The following ZAN variants were observed in gnomAD, a reference collection of about 807,000 sequenced individuals.
ZAN encodes the protein zonadhesin, also known as zonadhesin (gene/pseudogene).
In ZAN, 260 loss-of-function variants were observed where a neutral mutation model predicts 286.2. That is an observed-to-expected ratio of 0.91 (90% CI 0.82 to 1.01). The LOEUF is 1.01. ZAN is among the 50% of genes least tolerant of loss of function. ZAN has a pLI of 0.00. For missense variants in ZAN, 3,410 were observed against 3,639.2 expected (o/e 0.94, Z 1.62); for synonymous variants, 1,368 against 1,417.5 (o/e 0.97, Z 0.79).
rs1358817299 is a variant in ZAN, at chr7:100,736,573, C to A, written c.197C>A (p.Ala66Asp). 5 of 1,523,082 alleles carry A rather than the reference C, an allele frequency of 3.3e-6. 2 individuals carry two copies. The highest frequency in any genetic ancestry group is 4.5e-6 in the Non-Finnish European group (5 of 1,107,590). 94.3% of individuals were successfully genotyped at this position (1,523,082 alleles called of 1,614,324 possible). ...GCAGACGATGAAGACTGGGTTCGAG[C>A]CAGTGGGCCCTCTCCCACCGGCTCC... ...VSADDEDWVR[A>D]SGPSPTGSTG... Residue 66 changes from alanine (A) to aspartate (D), a missense_variant, in exon 4 of 48, where the codon GCC (alanine) becomes GAC (aspartate). Physicochemically the swap from Ala to Asp is moderately radical, Grantham distance 126. Transcript: ENST00000613979.
At chr7:100,755,118 G>T (rs948862338) in intron 14 of ZAN, 108 bp from the exon 15 acceptor site, 1 of 1,300,006 alleles carries the variant, frequency 7.7e-7, no homozygotes, top group Admixed American at 2.3e-5. Context: ...TAAATAATAT[G>T]GTCCTGTTTC....
In ZAN at chr7:100,764,198, T is replaced by A; in HGVS notation, c.4267+2T>A. 6.5e-7 allele frequency: 1 copy of A among 1,544,504 alleles called. No individual in the cohort carries two copies. Reference sequence around the variant, plus strand: ...CCTGGAGGGAACCCCACTTCTGCCGTGAGTTGTGCCAAACTCAGAGGAGAG... The same window carrying A: ...CCTGGAGGGAACCCCACTTCTGCCGAGAGTTGTGCCAAACTCAGAGGAGAG... On this transcript the variant is annotated splice_donor_variant, in intron 22 of 47. Coordinates refer to ENST00000613979, the MANE Select transcript of ZAN (RefSeq NM_003386.3). LOFTEE classifies it high-confidence loss of function.
At chr7:100,787,499 C>T (rs1034111960) in intron 37 of ZAN, among the ~76,000 whole-genome samples, 10 of 152,090 alleles carry the variant, frequency 6.6e-5, no homozygotes, top group African/African-American at 2.4e-4. Flanking sequence ...GGGGATGCCA[C>T]CGTGGGGGAG....
At position 100,786,031 on chromosome 7, in the gene ZAN, A is replaced by G; in HGVS notation, c.6869A>G (p.Glu2290Gly). The G allele has an allele frequency of 6.2e-7, 1 of 1,613,964 alleles. No individual in the cohort carries two copies. Among genetic ancestry groups the G allele is most frequent in the Non-Finnish European group, 8.5e-7 (1 of 1,179,888 alleles). Residue 2290 changes from glutamate to glycine, a missense_variant, in exon 37 of 48, where the codon GAG becomes GGG. Around this residue, in one of 7 missense-constraint regions of ZAN, gnomAD observed 1,289 missense variants for 1,314.3 expected, o/e 0.98. Coordinates refer to ENST00000613979, the MANE Select transcript of ZAN (RefSeq NM_003386.3). ...AGCTGGGTCTCCAGCGGTTGCACGGAGAAGTGTGTCTGCACGGGAGGAGCC... is the reference window on the plus strand; with the variant it reads ...AGCTGGGTCTCCAGCGGTTGCACGGGGAAGTGTGTCTGCACGGGAGGAGCC... ...GKSWVSSGCTEKCVCTGGAIQ... is the reference protein window; with the variant it reads ...GKSWVSSGCTGKCVCTGGAIQ...
Position 100,752,014 on chromosome 7 carries a change from T to G in ZAN, c.1909T>G (p.Ser637Ala). ...CCTCACAGAAAAACCCACCATTCCC[T>G]CAGAAAAACCCACCATTCCCTCAGA... ...TILTEKPTIP[S>A]EKPTIPSEKP... Residue 637 changes from serine to alanine, a missense_variant, in exon 14 of 48, where the codon TCA becomes GCA. Around this residue, in one of 7 missense-constraint regions of ZAN, gnomAD observed 872 missense variants for 938.9 expected, o/e 0.93. Transcript: ENST00000613979. 5.3e-6 allele frequency: 8 copies of G among 1,517,596 alleles called. No homozygotes were observed. The South Asian group carries it at 9.2e-5, about 17-fold the overall frequency. 94.0% of individuals were successfully genotyped at this position (1,517,596 alleles called of 1,614,324 possible).
chr7:100,739,663 T>C lies in ZAN; in HGVS notation c.766+1050T>C, dbSNP rs1240333864. 1.2e-4 allele frequency among the ~76,000 whole-genome samples: 16 copies of C among 129,446 alleles called. 3 individuals are homozygous for C. Among genetic ancestry groups the C allele is most frequent in the Admixed American group, 8.3e-4 (11 of 13,256 alleles). The allele number at this position is 129,446 out of a possible 152,430, so 84.9% of individuals were successfully genotyped here. A position where few individuals can be genotyped will look rare whatever the true frequency, so the allele number is the denominator to read the frequency against. The stretch of plus-strand genomic sequence containing the variant: ...CCCGCCGTGAGTTATCAATTATTTA[T>C]TTATTTATTTTGGAGACAGAGTCTC... On this transcript the variant is annotated intron_variant, in intron 7 of 47. Coordinates refer to ENST00000613979, the MANE Select transcript of ZAN (RefSeq NM_003386.3).
chr7:100,764,309 C>T, intron 22 of ZAN, 113 bp downstream of exon 22: 1 of 1,293,442 alleles, frequency 7.7e-7, no homozygotes, highest in South Asian at 1.6e-5. Context: ...TTGGGACCAG[C>T]CTGGCCAACA....
intron 14 of ZAN, 24 bp downstream of exon 14, chr7:100,753,253 C>T (rs755837411): frequency 6.5e-7 from 1 of 1,545,848 alleles, no homozygotes; most frequent in Non-Finnish European, 8.7e-7. Context: ...GGAGCGTGGG[C>T]CAAGGCTGAA....
chr7:100,797,336 G>T, intron 45 of ZAN, 30 bp from the exon 46 acceptor site: 2 of 1,609,012 alleles, frequency 1.2e-6, no homozygotes, highest in South Asian at 2.2e-5. Context: ...TCTCACGTTC[G>T]ACCTAATGTC....
chr7:100,797,454 G>T lies in ZAN; in HGVS notation c.8355G>T (p.Thr2785=), dbSNP rs766088040. 1.2e-6 allele frequency: 2 copies of T among 1,613,970 alleles called. No homozygotes were observed. The highest frequency in any genetic ancestry group is 1.1e-5 in the South Asian group (1 of 91,080). The part of the protein sequence containing the change: ...LAVTRECIYR[T]RRKREKTQEG... Reference sequence around the variant, plus strand: ...TGACCAGAGAGTGCATTTACAGAACGAGGAGGAAGAGGTGAGTCCTGGGAA... The same window carrying T: ...TGACCAGAGAGTGCATTTACAGAACTAGGAGGAAGAGGTGAGTCCTGGGAA... The change falls in exon 46 of 48, where the codon ACG becomes ACT. Residue 2785 remains threonine (T), a synonymous_variant. Coordinates refer to ENST00000613979, the MANE Select transcript of ZAN (RefSeq NM_003386.3).
Position 100,765,803 on chromosome 7 carries a change from C to T in ZAN, c.4470+249C>T, listed in dbSNP as rs569660647. Among the ~76,000 whole-genome samples the T allele has an allele frequency of 9.2e-5, 14 of 152,116 alleles. No individual in the cohort carries two copies. In the South Asian group the frequency reaches 2.7e-3, roughly 29 times the overall value. ...AGCTGGGACTACAGGCATGCACCAC[C>T]ATGCCCAGCTAATTCTTGTATTTTT... On this transcript the variant is annotated intron_variant, in intron 23 of 47. Coordinates refer to ENST00000613979, the MANE Select transcript of ZAN (RefSeq NM_003386.3).
intron 28 of ZAN, 73 bp downstream of exon 28, chr7:100,770,047 G>A (rs978068147): frequency 6.3e-6 from 9 of 1,421,814 alleles, no homozygotes; most frequent in African/African-American, 2.9e-5. Flanking sequence ...TAGTCAGGGA[G>A]GGAGAAACAA....
chr7:100,790,870 A>C, intron 39 of ZAN, 72 bp from the exon 40 acceptor site: 1 of 1,443,550 alleles, frequency 6.9e-7, no homozygotes, highest in Non-Finnish European at 9.2e-7. Context: ...GCAACAGAGC[A>C]AGACTGTCTA....
At chr7:100,767,737 C>T in intron 25 of ZAN, 94 bp from the exon 26 acceptor site, 5 of 1,426,152 alleles carry the variant, frequency 3.5e-6, no homozygotes, top group Non-Finnish European at 4.7e-6. Flanking sequence ...CTCGGCCTCC[C>T]AAAGTGCTGG....
In ZAN at chr7:100,748,482, G is replaced by T. The variant is rs182996402; in HGVS notation, c.1249+12G>T. On this transcript the variant is annotated intron_variant, in intron 11 of 47. Coordinates refer to ENST00000613979, the MANE Select transcript of ZAN (RefSeq NM_003386.3). The stretch of plus-strand genomic sequence containing the variant: ...TTTCCCTAATGCAGGTGAGGAGATT[G>T]AGGAGCGCTCACGCCAAGAAATCAC... The T allele has an allele frequency of 2.5e-6, 4 of 1,605,194 alleles. No homozygotes were observed. Among genetic ancestry groups the T allele is most frequent in the African/African-American group, 1.3e-5 (1 of 74,804 alleles).
At position 100,792,982 on chromosome 7, in the gene ZAN, CA is replaced by C. The variant is rs1232116032; in HGVS notation, c.7787+518del. 3.0e-3 allele frequency among the ~76,000 whole-genome samples: 151 copies of C among 50,950 alleles called. 1 individual carries two copies. The highest frequency in any genetic ancestry group is 4.7e-3 in the Non-Finnish European group (78 of 16,482). The allele number at this position is 50,950 out of a possible 152,430, so 33.4% of individuals were successfully genotyped here. A position where few individuals can be genotyped will look rare whatever the true frequency, so the allele number is the denominator to read the frequency against. ...TGGGCAACAGAGCAACATCCTATCTCAAAAAAAAAAAAAAAGAAAGAAAGAA... is the reference window on the plus strand; with the variant it reads ...TGGGCAACAGAGCAACATCCTATCTCAAAAAAAAAAAAAAGAAAGAAAGAA... On this transcript the variant is annotated intron_variant, in intron 42 of 47. Coordinates refer to ENST00000613979, the MANE Select transcript of ZAN (RefSeq NM_003386.3).
At chr7:100,754,286 G>A (rs1193522413) in intron 14 of ZAN, among the ~76,000 whole-genome samples, 3 of 151,664 alleles carry the variant, frequency 2.0e-5, no homozygotes, top group Admixed American at 2.0e-4. Context: ...GTGAAACCCC[G>A]TCTCTACTGA....
chr7:100,777,030 C>T (rs1331501714), intron 34 of ZAN, among the ~76,000 whole-genome samples: 1 of 139,038 alleles, frequency 7.2e-6, no homozygotes, highest in Admixed American at 7.8e-5. Flanking sequence ...CCGCGCCCGG[C>T]CCCTCTCCTT....
chr7:100,758,750 T>A (rs2115932866), intron 17 of ZAN, 100 bp downstream of exon 17: 3 of 1,497,748 alleles, frequency 2.0e-6, no homozygotes, highest in South Asian at 2.5e-5. Context: ...AGGGCACAGA[T>A]GGGGGAAGAG....
Sources: allele counts gnomAD v4.1 joint callset (sites outside exome capture counted in the v4.1 genomes callset), GRCh38; gene constraint gnomAD v4.1.1; regional missense constraint gnomAD v4.1.1; transcripts MANE v1.5; gene names NCBI Gene and HGNC (gene_info 2026-07-23, HGNC 2026-07-21).